Variants in LUZP2 observed in about 807,000 individuals in gnomAD.
LUZP2 encodes the protein leucine zipper protein 2.
LUZP2 carries 52 observed loss-of-function variants against 51.6 expected under a neutral mutation model. That is an observed-to-expected ratio of 1.01 (90% confidence interval 0.81 to 1.27). The LOEUF is 1.27. Among genes scored for constraint, LUZP2 ranks in the 50% most tolerant of loss-of-function variants. The pLI is 0.00. For synonymous variants in LUZP2, 154 were observed against 137.3 expected (o/e 1.12, Z -0.85); for missense variants, 436 against 395.4 (o/e 1.10, Z -0.87).
In LUZP2 at chr11:24,654,563, C is replaced by T. The variant is rs765137865; in HGVS notation, c.63-74606C>T. Among the ~76,000 whole-genome samples, 13 of 152,102 alleles carry T rather than the reference C, an allele frequency of 8.5e-5. No individual in the cohort carries two copies. In the East Asian group the frequency reaches 1.4e-3, roughly 16 times the overall value. On this transcript the variant is annotated intron_variant, in intron 1 of 11. Coordinates refer to ENST00000336930, the MANE Select transcript of LUZP2 (RefSeq NM_001009909.4). Reference sequence around the variant, plus strand: ...TGTTTCCCAGGCTGGAGCACAGTGGCGCGATCTCTGCTCACTGCAACCTCC... The same window carrying T: ...TGTTTCCCAGGCTGGAGCACAGTGGTGCGATCTCTGCTCACTGCAACCTCC...
chr11:24,950,949 T>C (rs7483842), intron 7 of LUZP2, among the ~76,000 whole-genome samples: 75,500 of 151,134 alleles, frequency 0.5, 19,254 homozygotes, highest in Non-Finnish European at 0.52. Flanking sequence ...GTTATAGTGA[T>C]AGCTTCATAA....
At chr11:24,911,357 T>A (rs1264413881) in intron 6 of LUZP2, among the ~76,000 whole-genome samples, 3 of 152,150 alleles carry the variant, frequency 2.0e-5, no homozygotes, top group Non-Finnish European at 2.9e-5. Flanking sequence ...TGATGTGGTT[T>A]GGCTTTTTGT....
At chr11:24,693,755 G>A (rs118185651) in intron 1 of LUZP2, among the ~76,000 whole-genome samples, 1 of 152,038 alleles carries the variant, frequency 6.6e-6, no homozygotes, top group East Asian at 1.9e-4. Flanking sequence ...TGTACATTAT[G>A]CCTGTAAAAT....
Position 24,741,419 on chromosome 11 carries a change from C to A in LUZP2, c.333+3117C>A, listed in dbSNP as rs115984519. 2.9e-3 allele frequency among the ~76,000 whole-genome samples: 433 copies of A among 151,844 alleles called. 1 individual carries two copies. Among genetic ancestry groups the A allele is most frequent in the African/African-American group, 0.01 (429 of 41,444 alleles). On this transcript the variant is annotated intron_variant, in intron 4 of 11. Coordinates refer to ENST00000336930, the MANE Select transcript of LUZP2 (RefSeq NM_001009909.4). ...TTTTATTTGGTATTCCTGTTAATTT[C>A]TTTTTTTATTTTCCATAGGTCATTA... is the stretch of plus-strand genomic sequence containing the variant.
At chr11:24,528,355 A>C (rs545677530) in intron 1 of LUZP2, among the ~76,000 whole-genome samples, 7 of 151,234 alleles carry the variant, frequency 4.6e-5, no homozygotes, top group Admixed American at 1.3e-4. Context: ...AGAGTGGATA[A>C]ATTTACAGAA....
rs572794539 is a variant in LUZP2 at position 24,917,630 on chromosome 11, A to G, written c.522+3092A>G. Among the ~76,000 whole-genome samples, 206 of 152,234 alleles carry G rather than the reference A, an allele frequency of 1.4e-3. 2 individuals carry two copies. Among genetic ancestry groups the G allele is most frequent in the Middle Eastern group, 6.8e-3 (2 of 294 alleles). On this transcript the variant is annotated intron_variant, in intron 7 of 11. Coordinates refer to ENST00000336930, the MANE Select transcript of LUZP2 (RefSeq NM_001009909.4). Reference sequence around the variant, plus strand: ...TTCTTGTTTTTGTCAGGTTTGTCAAAGATCAGATGGTTGTAGATGTGTGGT... The same window carrying G: ...TTCTTGTTTTTGTCAGGTTTGTCAAGGATCAGATGGTTGTAGATGTGTGGT...
intron 5 of LUZP2, among the ~76,000 whole-genome samples, chr11:24,903,680 T>A (rs555225972): frequency 1.3e-5 from 2 of 152,318 alleles, no homozygotes; most frequent in East Asian, 3.9e-4. Context: ...GTTTTGGTTA[T>A]CTGCTCTCCT....
chr11:24,967,570 C>T (rs948908350), intron 7 of LUZP2, among the ~76,000 whole-genome samples: 1 of 151,616 alleles, frequency 6.6e-6, no homozygotes, highest in Non-Finnish European at 1.5e-5. Context: ...CATGTTTCTT[C>T]AAACTTTTTT....
chr11:24,724,865 C>A (rs142151246), intron 1 of LUZP2, among the ~76,000 whole-genome samples: 1,615 of 152,176 alleles, frequency 0.011, 15 homozygotes, highest in Non-Finnish European at 0.013. Flanking sequence ...TTAAAGATGA[C>A]TAGCAATATC....
At chr11:24,516,789 C>T (rs1564963776) in intron 1 of LUZP2, among the ~76,000 whole-genome samples, 3 of 152,036 alleles carry the variant, frequency 2.0e-5, no homozygotes, top group African/African-American at 7.2e-5. Context: ...ATTAGAGAAA[C>T]AAAAATTACA....
At chr11:24,612,092 G>A (rs1188947695) in intron 1 of LUZP2, among the ~76,000 whole-genome samples, 2 of 152,116 alleles carry the variant, frequency 1.3e-5, no homozygotes, top group African/African-American at 4.8e-5. Context: ...TTGAAATAGT[G>A]AGTAGTTATG....
chr11:24,961,134 T>G (rs981426061), intron 7 of LUZP2, among the ~76,000 whole-genome samples: 1 of 152,194 alleles, frequency 6.6e-6, no homozygotes, highest in African/African-American at 2.4e-5. Flanking sequence ...ATTTCTGTTC[T>G]TTTACATTTG....
chr11:24,622,577 A>G (rs924288464), intron 1 of LUZP2, among the ~76,000 whole-genome samples: 2 of 152,094 alleles, frequency 1.3e-5, no homozygotes, highest in Non-Finnish European at 2.9e-5. Context: ...CACAATGATA[A>G]TCTCAGGGTT....
At chr11:24,833,100 G>A (rs78166186) in intron 5 of LUZP2, among the ~76,000 whole-genome samples, 2,339 of 152,224 alleles carry the variant, frequency 0.015, 40 homozygotes, top group African/African-American at 0.052. Context: ...CTTTGATTTT[G>A]TATTTACAAC....
chr11:24,593,033 T>C (rs1253453766), intron 1 of LUZP2, among the ~76,000 whole-genome samples: 6 of 152,044 alleles, frequency 3.9e-5, no homozygotes. Flanking sequence ...GATTCTTTCT[T>C]TCCCCATACA....
At chr11:25,073,599 T>G (rs945282520) in intron 10 of LUZP2, among the ~76,000 whole-genome samples, 1 of 152,166 alleles carries the variant, frequency 6.6e-6, no homozygotes, top group Non-Finnish European at 1.5e-5. Context: ...CTAAAATTTT[T>G]GTTATATTTT....
At chr11:24,829,691 G>A (rs1304466136) in intron 5 of LUZP2, among the ~76,000 whole-genome samples, 1 of 152,170 alleles carries the variant, frequency 6.6e-6, no homozygotes, top group Non-Finnish European at 1.5e-5. Flanking sequence ...AAATAAAATG[G>A]AAGGAAAATG....
chr11:24,694,400 A>G (rs1208377363), intron 1 of LUZP2, among the ~76,000 whole-genome samples: 1 of 152,082 alleles, frequency 6.6e-6, no homozygotes, highest in Non-Finnish European at 1.5e-5. Context: ...CTTACTCAAC[A>G]CTGTAATGTC....
intron 3 of LUZP2, 65 bp downstream of exon 3, chr11:24,732,253 C>T (rs574740616): frequency 8.4e-7 from 1 of 1,183,608 alleles, no homozygotes; most frequent in Non-Finnish European, 1.2e-6. Context: ...AGAAACTTCA[C>T]AAAATTTATT....
Sources: gnomAD v4.1 joint callset for allele counts (sites outside exome capture counted in the v4.1 genomes callset) on GRCh38, gnomAD v4.1.1 for gene constraint, MANE v1.5 for transcripts, NCBI Gene and HGNC (gene_info 2026-07-23, HGNC 2026-07-21) for gene names.